The following MLLT3 variants were observed in gnomAD, a reference collection of about 807,000 sequenced individuals.
The protein encoded by MLLT3 is protein AF-9.
A neutral mutation model predicts 53.2 loss-of-function variants in MLLT3; 4 were observed. That is an observed-to-expected ratio of 0.08 (90% confidence interval 0.04 to 0.17). MLLT3 has a LOEUF of 0.17. Ranked by LOEUF, MLLT3 falls within the 10% of genes least tolerant of loss-of-function variation. MLLT3 has a pLI of 1.00. For synonymous variants in MLLT3, 283 were observed against 230.6 expected, an observed-to-expected ratio of 1.23 and a Z score of -2.06; for missense variants, 569 against 684.0, an observed-to-expected ratio of 0.83 and a Z score of 1.87.
At chr9:20,570,939 C>A (rs1242416039) in intron 2 of MLLT3, among the ~76,000 whole-genome samples, 1 of 152,098 alleles carries the variant, frequency 6.6e-6, no homozygotes, top group African/African-American at 2.4e-5. Flanking sequence ...TGAGTCATAC[C>A]TAGACTTTGT....
At chr9:20,483,775 T>C (rs1586984683) in intron 2 of MLLT3, among the ~76,000 whole-genome samples, 1 of 142,780 alleles carries the variant, frequency 7.0e-6, no homozygotes, top group Non-Finnish European at 1.5e-5. Context: ...TGGCGCCATC[T>C]TGGCTCACTG....
At chr9:20,583,372 G>A (rs761653819) in intron 2 of MLLT3, among the ~76,000 whole-genome samples, 2 of 152,140 alleles carry the variant, frequency 1.3e-5, no homozygotes, top group Non-Finnish European at 1.5e-5. Context: ...GCAAGCAGTC[G>A]GTGGATCTAC....
At chr9:20,615,505 G>A (rs919442327) in intron 2 of MLLT3, among the ~76,000 whole-genome samples, 5 of 151,262 alleles carry the variant, frequency 3.3e-5, no homozygotes, top group African/African-American at 1.2e-4. Context: ...ATTTAATGAG[G>A]CAAATACCTT....
rs535700621 is a variant in MLLT3 at position 20,375,825 on chromosome 9, G to A, written c.1126-10081C>T. Among the ~76,000 whole-genome samples the A allele has an allele frequency of 2.0e-5, 3 of 151,726 alleles. No individual in the cohort carries two copies. In the South Asian group the frequency reaches 6.3e-4, roughly 32 times the overall value. On this transcript the variant is annotated intron_variant, in intron 5 of 10. Coordinates refer to ENST00000380338, the MANE Select transcript of MLLT3 (RefSeq NM_004529.4). ...GGGTTTCACAGTGTTAGCCAGGATG[G>A]TCTCCATCTCCTGACCTCGTGATCC...
At chr9:20,611,097 A>C (rs910615551) in intron 2 of MLLT3, among the ~76,000 whole-genome samples, 1 of 152,190 alleles carries the variant, frequency 6.6e-6, no homozygotes, top group Non-Finnish European at 1.5e-5. Context: ...ATATTAATGA[A>C]GTATTTGTGG....
intron 5 of MLLT3, among the ~76,000 whole-genome samples, chr9:20,399,476 C>T (rs971872769): frequency 2.6e-5 from 4 of 151,896 alleles, no homozygotes; most frequent in African/African-American, 4.8e-5. Flanking sequence ...TTTAATATGA[C>T]GGAAAAACAA....
intron 2 of MLLT3, among the ~76,000 whole-genome samples, chr9:20,535,938 T>C (rs1818472836): frequency 6.6e-6 from 1 of 152,154 alleles, no homozygotes. Flanking sequence ...CATGACTATG[T>C]GATTTTATTA....
chr9:20,554,718 T>C (rs1819010300), intron 2 of MLLT3, among the ~76,000 whole-genome samples: 2 of 152,220 alleles, frequency 1.3e-5, no homozygotes, highest in African/African-American at 2.4e-5. Flanking sequence ...CAAATGTATA[T>C]AGCTATTAAG....
At chr9:20,348,573 T>C (rs977798094) in intron 10 of MLLT3, among the ~76,000 whole-genome samples, 1 of 152,182 alleles carries the variant, frequency 6.6e-6, no homozygotes, top group African/African-American at 2.4e-5. Context: ...CACGGATTAC[T>C]TACCTCCAGG....
At chr9:20,608,645 A>G (rs988897571) in intron 2 of MLLT3, among the ~76,000 whole-genome samples, 1 of 152,020 alleles carries the variant, frequency 6.6e-6, no homozygotes, top group Non-Finnish European at 1.5e-5. Context: ...ACTCAAAACG[A>G]CAAGGTGGCA....
At chr9:20,375,067 G>A (rs916418979) in intron 5 of MLLT3, among the ~76,000 whole-genome samples, 5 of 152,208 alleles carry the variant, frequency 3.3e-5, no homozygotes, top group African/African-American at 1.2e-4. Flanking sequence ...GACCTTACCA[G>A]ATTCCTTGTT....
At chr9:20,604,369 C>G (rs1269988873) in intron 2 of MLLT3, among the ~76,000 whole-genome samples, 1 of 151,962 alleles carries the variant, frequency 6.6e-6, no homozygotes, top group African/African-American at 2.4e-5. Context: ...AAGTCAAACT[C>G]AATTTTCACA....
In MLLT3 at chr9:20,343,491, T is replaced by C; in HGVS notation, c.*2952A>G. 4.4e-6 allele frequency: 1 copy of C among 226,888 alleles called. No individual in the cohort carries two copies. The highest frequency in any genetic ancestry group is 8.8e-6 in the Non-Finnish European group (1 of 114,110). The allele number at this position is 226,888 out of a possible 1,614,324, so 14.1% of individuals were successfully genotyped here. A position where few individuals can be genotyped will look rare whatever the true frequency, so the allele number is the denominator to read the frequency against. On this transcript the variant is annotated 3_prime_UTR_variant, in exon 11 of 11. Coordinates refer to ENST00000380338, the MANE Select transcript of MLLT3 (RefSeq NM_004529.4). Reference sequence around the variant, plus strand: ...TGAAGTAACTGCAAAATATTGTTGCTAACATGACTGTTACATCCGAAGACA... The same window carrying C: ...TGAAGTAACTGCAAAATATTGTTGCCAACATGACTGTTACATCCGAAGACA...
chr9:20,476,130 A>G (rs796475702), intron 2 of MLLT3, among the ~76,000 whole-genome samples: 8 of 152,072 alleles, frequency 5.3e-5, no homozygotes, highest in African/African-American at 1.9e-4. Context: ...TCACGCAATC[A>G]TAGTTCACAG....
chr9:20,493,025 T>G (rs914700329), intron 2 of MLLT3, among the ~76,000 whole-genome samples: 3 of 150,466 alleles, frequency 2.0e-5, no homozygotes, highest in African/African-American at 7.3e-5. Flanking sequence ...CCCGTTTCCA[T>G]TTTTTTTTCT....
At chr9:20,489,163 G>A (rs775558178) in intron 2 of MLLT3, among the ~76,000 whole-genome samples, 9 of 152,192 alleles carry the variant, frequency 5.9e-5, no homozygotes, top group South Asian at 2.1e-4. Flanking sequence ...AAGGGAGAGC[G>A]GGTGGAAGGG....
At chr9:20,408,071 G>A (rs1197334302) in intron 5 of MLLT3, among the ~76,000 whole-genome samples, 1 of 152,192 alleles carries the variant, frequency 6.6e-6, no homozygotes, top group Non-Finnish European at 1.5e-5. Context: ...TTGGAAGAGA[G>A]ATTCTGGCTC....
At chr9:20,566,546 C>G (rs182299825) in intron 2 of MLLT3, among the ~76,000 whole-genome samples, 2 of 152,084 alleles carry the variant, frequency 1.3e-5, no homozygotes, top group African/African-American at 4.8e-5. Flanking sequence ...ACATGCTTAT[C>G]AGTTTACAGA....
chr9:20,351,530 ATC>A (rs1563932427), intron 10 of MLLT3, among the ~76,000 whole-genome samples: 1 of 152,210 alleles, frequency 6.6e-6, no homozygotes, highest in African/African-American at 2.4e-5. Flanking sequence ...AGGCTCCTTG[ATC>A]CAATGCTGTC....
Sources: gnomAD v4.1 joint callset for allele counts (sites outside exome capture counted in the v4.1 genomes callset) on GRCh38, gnomAD v4.1.1 for gene constraint, MANE v1.5 for transcripts, NCBI Gene and HGNC (gene_info 2026-07-23, HGNC 2026-07-21) for gene names.